Variants in SPTBN1 observed in about 807,000 individuals in gnomAD.
SPTBN1 encodes the protein spectrin beta chain, non-erythrocytic 1.
Under a neutral mutation model 266.4 loss-of-function variants are expected in SPTBN1, and 32 were observed. That is an observed-to-expected ratio of 0.12 (90% confidence interval 0.09 to 0.16). The LOEUF (loss-of-function observed/expected upper bound fraction) is 0.16. SPTBN1 is among the 10% of genes least tolerant of loss of function. The pLI is 1.00. For synonymous variants in SPTBN1, 1,336 were observed against 1,162.2 expected (o/e 1.15, Z -3.04); for missense variants, 2,296 against 3,067.1 (o/e 0.75, Z 5.94).
chr2:54,636,266 TA>T (rs1303034461), intron 17 of SPTBN1, among the ~76,000 whole-genome samples: 1 of 152,174 alleles, frequency 6.6e-6, no homozygotes, highest in African/African-American at 2.4e-5. Flanking sequence ...CCTTTCAACT[TA>T]AAAAAATTAA....
chr2:54,484,235 G>C (rs1272462332), intron 1 of SPTBN1, among the ~76,000 whole-genome samples: 3 of 152,168 alleles, frequency 2.0e-5, no homozygotes, highest in Non-Finnish European at 4.4e-5. Context: ...TAACTGCACG[G>C]TATTAACTGC....
chr2:54,504,630 C>T (rs775582599), intron 1 of SPTBN1, among the ~76,000 whole-genome samples: 75 of 152,098 alleles, frequency 4.9e-4, no homozygotes, highest in South Asian at 4.1e-4. Context: ...GGATGTGTGT[C>T]GGTTTTATAC....
rs1246807541 is a variant in SPTBN1, at chr2:54,544,038, TATA to T, written c.148+17476_148+17478del. 3.9e-5 allele frequency among the ~76,000 whole-genome samples: 6 copies of T among 152,230 alleles called. No homozygotes were observed. The East Asian group carries it at 1.2e-3, about 29-fold the overall frequency. The stretch of plus-strand genomic sequence containing the variant: ...TTACTAAATTCCCGGGAGGATTATT[TATA>T]ATACTTAAAATGTGTGTATCACTTT... On this transcript the variant is annotated intron_variant, in intron 2 of 35. Transcript: ENST00000356805.
chr2:54,483,891 T>A (rs1168660974), intron 1 of SPTBN1, among the ~76,000 whole-genome samples: 1 of 152,182 alleles, frequency 6.6e-6, no homozygotes, highest in Non-Finnish European at 1.5e-5. Context: ...TTGACGGGGT[T>A]GTATCCAAAT....
rs1287584848 is a variant in SPTBN1 at position 54,625,875 on chromosome 2, G to T, written c.1342-57G>T. ...CAAAGTGCTGGGATTACAAGCATGA[G>T]CTACTGTGCCCGGGTGGATTTTTTA... On this transcript the variant is annotated intron_variant, in intron 11 of 35. Transcript: ENST00000356805. 5 of 1,549,536 alleles carry T rather than the reference G, an allele frequency of 3.2e-6. No individual in the cohort carries two copies. In the African/African-American group the frequency reaches 5.4e-5, roughly 17 times the overall value.
chr2:54,459,061 C>G (rs1033230469), intron 1 of SPTBN1, among the ~76,000 whole-genome samples: 6 of 152,136 alleles, frequency 3.9e-5, no homozygotes, highest in Non-Finnish European at 7.4e-5. Flanking sequence ...CATGGATCAT[C>G]CAAACGTTTT....
At chr2:54,556,401 A>T (rs889856480) in intron 2 of SPTBN1, among the ~76,000 whole-genome samples, 1 of 152,212 alleles carries the variant, frequency 6.6e-6, no homozygotes, top group African/African-American at 2.4e-5. Context: ...ATTATGTGCA[A>T]CCTGGTTAAT....
intron 28 of SPTBN1, 40 bp downstream of exon 28, chr2:54,655,248 A>G: frequency 1.2e-6 from 2 of 1,604,934 alleles, no homozygotes; most frequent in Non-Finnish European, 8.5e-7. Flanking sequence ...GCTGGCGTCA[A>G]GATGTAAAAT....
At chr2:54,658,168 G>A in intron 30 of SPTBN1, 122 bp downstream of exon 30, 3 of 1,259,716 alleles carry the variant, frequency 2.4e-6, no homozygotes, top group Non-Finnish European at 3.3e-6. Context: ...TTTTCAAGTA[G>A]TGAAGATCAT....
At chr2:54,584,884 GAA>G (rs1675179435) in intron 2 of SPTBN1, among the ~76,000 whole-genome samples, 1 of 152,164 alleles carries the variant, frequency 6.6e-6, no homozygotes, top group Non-Finnish European at 1.5e-5. Flanking sequence ...ACACCTGTTG[GAA>G]GCACCTGACT....
At chr2:54,482,690 G>C (rs1301710395) in intron 1 of SPTBN1, among the ~76,000 whole-genome samples, 1 of 152,164 alleles carries the variant, frequency 6.6e-6, no homozygotes, top group Non-Finnish European at 1.5e-5. Flanking sequence ...CATGGCTCAT[G>C]GCTGCCCTGT....
At chr2:54,611,414 C>G (rs1057378849) in intron 3 of SPTBN1, among the ~76,000 whole-genome samples, 2 of 151,988 alleles carry the variant, frequency 1.3e-5, no homozygotes, top group Non-Finnish European at 2.9e-5. Flanking sequence ...ATATATACTT[C>G]TATAATAGTA....
intron 19 of SPTBN1, 43 bp downstream of exon 19, chr2:54,643,172 A>G (rs1558461400): frequency 3.7e-6 from 6 of 1,610,454 alleles, no homozygotes; most frequent in South Asian, 1.1e-5. Flanking sequence ...GAAAACAAAC[A>G]GGGTAGTAAT....
intron 2 of SPTBN1, among the ~76,000 whole-genome samples, chr2:54,570,572 G>T (rs6734536): frequency 0.15 from 23,360 of 152,084 alleles, 1,878 homozygotes; most frequent in Middle Eastern, 0.19. Context: ...AACTGTGATA[G>T]AATTTTGGAG....
rs190610527 is a variant in SPTBN1, at chr2:54,541,577, C to A, written c.148+15011C>A. Among the ~76,000 whole-genome samples, 340 of 152,284 alleles carry A rather than the reference C, an allele frequency of 2.2e-3. 1 individual carries two copies. The highest frequency in any genetic ancestry group is 3.5e-3 in the Non-Finnish European group (241 of 68,020). On this transcript the variant is annotated intron_variant, in intron 2 of 35. Coordinates refer to ENST00000356805, the MANE Select transcript of SPTBN1 (RefSeq NM_003128.3). The stretch of plus-strand genomic sequence containing the variant: ...CCACATGTGGATTTTCTTTTTAACT[C>A]CCTCACATTCAGGGAGCCATTTTAA...
rs531996011 is a variant in SPTBN1, at chr2:54,628,729, A to C, written c.1799-204A>C. ...CTTTGTCTGCGGTTTGGCCAAAAAA[A>C]AATAATGTTTATCATTGCCCTCACT... On this transcript the variant is annotated intron_variant, in intron 13 of 35. Coordinates refer to ENST00000356805, the MANE Select transcript of SPTBN1 (RefSeq NM_003128.3). The surrounding 1 kb of genome is among the most constrained non-coding windows in gnomAD (Gnocchi z 4.3). 8.5e-5 allele frequency among the ~76,000 whole-genome samples: 13 copies of C among 152,358 alleles called. No homozygotes were observed. Among genetic ancestry groups the C allele is most frequent in the African/African-American group, 3.1e-4 (13 of 41,582 alleles).
At chr2:54,584,238 A>G (rs1675135663) in intron 2 of SPTBN1, among the ~76,000 whole-genome samples, 1 of 152,142 alleles carries the variant, frequency 6.6e-6, no homozygotes, top group Admixed American at 6.5e-5. Flanking sequence ...CATACATATT[A>G]TTTTATAAGG....
intron 2 of SPTBN1, among the ~76,000 whole-genome samples, chr2:54,551,885 A>C (rs919363817): frequency 1.3e-5 from 2 of 152,190 alleles, no homozygotes; most frequent in Non-Finnish European, 2.9e-5. Flanking sequence ...CCCCACCTCA[A>C]ATAAACATTG....
chr2:54,589,282 C>T (rs145272071), intron 2 of SPTBN1, among the ~76,000 whole-genome samples: 9 of 152,272 alleles, frequency 5.9e-5, no homozygotes, highest in East Asian at 5.8e-4. Flanking sequence ...CTCACCTTGA[C>T]GTACGACTGT....
Sources: gnomAD v4.1 joint callset for allele counts (sites outside exome capture counted in the v4.1 genomes callset) on GRCh38, gnomAD v4.1.1 for gene constraint, Gnocchi (gnomAD v3.1) non-coding constraint, MANE v1.5 for transcripts, NCBI Gene and HGNC (gene_info 2026-07-23, HGNC 2026-07-21) for gene names.